The following ZNF385D variants were observed in gnomAD, a reference collection of about 807,000 sequenced individuals.
ZNF385D encodes the protein zinc finger protein 659.
A neutral mutation model predicts 35.8 loss-of-function variants in ZNF385D; 15 were observed. The observed-to-expected ratio is 0.42, with a 90% CI of 0.28 to 0.64. The LOEUF (loss-of-function observed/expected upper bound fraction) is 0.64. Ranked by LOEUF, ZNF385D falls within the 30% of genes least tolerant of loss-of-function variation. The pLI is 0.23. For synonymous variants in ZNF385D, 212 were observed against 186.8 expected, an observed-to-expected ratio of 1.13 and a Z score of -1.10; for missense variants, 474 against 494.6, an observed-to-expected ratio of 0.96 and a Z score of 0.39.
At chr3:22,312,180 T>C (rs1703596149) in intron 2 of ZNF385D, among the ~76,000 whole-genome samples, 1 of 152,152 alleles carries the variant, frequency 6.6e-6, no homozygotes, top group African/African-American at 2.4e-5. Flanking sequence ...TGATACTCGT[T>C]TGGCTTGTGC....
At chr3:22,034,039 C>A (rs1698168604) in intron 3 of ZNF385D, among the ~76,000 whole-genome samples, 1 of 152,110 alleles carries the variant, frequency 6.6e-6, no homozygotes, top group Non-Finnish European at 1.5e-5. Flanking sequence ...CCTGTAAGTC[C>A]TGAGCAAACC....
In ZNF385D at chr3:21,437,194, G is replaced by T; in HGVS notation, c.449C>A (p.Ala150Glu). The T allele has an allele frequency of 6.2e-7, 1 of 1,613,164 alleles. No individual in the cohort carries two copies. Among genetic ancestry groups the T allele is most frequent in the Non-Finnish European group, 8.5e-7 (1 of 1,179,624 alleles). The part of the protein sequence containing the change: ...NTSSDKTDGT[A>E]GTPAISTTTT... ...CGTCGTTGATATTGCTGGTGTCCCT[G>T]CAGTACCGTCTGTATTCAAAATAAC... Residue 150 changes from alanine to glutamate, a missense_variant, in exon 5 of 8, where the codon GCA (alanine) becomes GAA (glutamate). By Grantham distance (107) the Ala-to-Glu change is moderately radical. Coordinates refer to ENST00000281523, the MANE Select transcript of ZNF385D (RefSeq NM_024697.3).
chr3:21,806,248 A>C (rs1341070405), intron 3 of ZNF385D, among the ~76,000 whole-genome samples: 2 of 148,934 alleles, frequency 1.3e-5, no homozygotes, highest in African/African-American at 2.5e-5. Flanking sequence ...AGGTTATACC[A>C]ATCTAAACTC....
chr3:21,616,365 A>G (rs1342228254), intron 2 of ZNF385D, among the ~76,000 whole-genome samples: 1 of 152,114 alleles, frequency 6.6e-6, no homozygotes, highest in African/African-American at 2.4e-5. Context: ...ATATACAGAT[A>G]CCTGACTCAC....
intron 3 of ZNF385D, among the ~76,000 whole-genome samples, chr3:21,941,297 A>G (rs967461267): frequency 6.6e-6 from 1 of 150,942 alleles, no homozygotes; most frequent in Non-Finnish European, 1.5e-5. Flanking sequence ...GAGAATACCA[A>G]TACATTCTCT....
At chr3:22,342,987 T>C (rs1449299672) in intron 2 of ZNF385D, among the ~76,000 whole-genome samples, 2 of 152,212 alleles carry the variant, frequency 1.3e-5, no homozygotes, top group South Asian at 2.1e-4. Flanking sequence ...TGTGCTGTTA[T>C]GAACAAATAC....
intron 2 of ZNF385D, among the ~76,000 whole-genome samples, chr3:22,365,143 A>C (rs1338898619): frequency 1.3e-5 from 2 of 152,034 alleles, no homozygotes; most frequent in Non-Finnish European, 2.9e-5. Flanking sequence ...TCAGTTTTGC[A>C]AGATGAAAAG....
At chr3:22,308,109 C>A (rs543926532) in intron 2 of ZNF385D, among the ~76,000 whole-genome samples, 1 of 152,156 alleles carries the variant, frequency 6.6e-6, no homozygotes, top group South Asian at 2.1e-4. Flanking sequence ...TTAAAGGACT[C>A]TGGTGAACTG....
chr3:21,498,975 A>G (rs1252269981), intron 4 of ZNF385D, among the ~76,000 whole-genome samples: 1 of 151,734 alleles, frequency 6.6e-6, no homozygotes, highest in African/African-American at 2.4e-5. Context: ...AAAAAAGTCA[A>G]AAAATAACAG....
At chr3:21,874,610 T>C (rs1259716188) in intron 3 of ZNF385D, among the ~76,000 whole-genome samples, 1 of 152,092 alleles carries the variant, frequency 6.6e-6, no homozygotes, top group African/African-American at 2.4e-5. Flanking sequence ...ACTGTAGCTT[T>C]GTAATATGTT....
chr3:22,123,958 C>CTA (rs1369577983), intron 3 of ZNF385D, among the ~76,000 whole-genome samples: 67 of 79,764 alleles, frequency 8.4e-4, no homozygotes, highest in Admixed American at 1.1e-3. Flanking sequence ...CTCTCTCTCT[C>CTA]TCTCTATATA....
At chr3:22,318,802 C>G (rs1443408279) in intron 2 of ZNF385D, among the ~76,000 whole-genome samples, 3 of 151,884 alleles carry the variant, frequency 2.0e-5, no homozygotes, top group African/African-American at 7.3e-5. Context: ...CAAAAATGTA[C>G]TGTGAAAAAA....
At chr3:22,061,725 T>C (rs1267979077) in intron 3 of ZNF385D, among the ~76,000 whole-genome samples, 1 of 152,210 alleles carries the variant, frequency 6.6e-6, no homozygotes, top group Non-Finnish European at 1.5e-5. Context: ...CAAAAATATG[T>C]CTTTCCTTCC....
intron 2 of ZNF385D, among the ~76,000 whole-genome samples, chr3:22,259,143 A>G (rs1040024904): frequency 6.6e-6 from 1 of 151,904 alleles, no homozygotes; most frequent in Non-Finnish European, 1.5e-5. Context: ...AACATCATGT[A>G]TCTCTCATTT....
At chr3:22,296,104 C>G (rs981972724) in intron 2 of ZNF385D, among the ~76,000 whole-genome samples, 1 of 152,126 alleles carries the variant, frequency 6.6e-6, no homozygotes, top group Non-Finnish European at 1.5e-5. Flanking sequence ...ATGAATCAAT[C>G]CAATGCCATA....
At chr3:21,855,746 G>A (rs1289526807) in intron 3 of ZNF385D, among the ~76,000 whole-genome samples, 5 of 151,996 alleles carry the variant, frequency 3.3e-5, no homozygotes, top group South Asian at 2.1e-4. Flanking sequence ...TAAATTTAAA[G>A]TAATAACTTA....
chr3:21,703,488 C>A (rs937796292), intron 1 of ZNF385D, among the ~76,000 whole-genome samples: 1 of 152,036 alleles, frequency 6.6e-6, no homozygotes, highest in African/African-American at 2.4e-5. Flanking sequence ...TTGTGCAATC[C>A]CTTGGTTGCC....
At chr3:22,084,255 G>C (rs531996267) in intron 3 of ZNF385D, among the ~76,000 whole-genome samples, 1 of 152,116 alleles carries the variant, frequency 6.6e-6, no homozygotes, top group Non-Finnish European at 1.5e-5. Context: ...ATGTAAATGG[G>C]CTATATGCTC....
intron 2 of ZNF385D, among the ~76,000 whole-genome samples, chr3:21,627,257 G>GTGTGTT (rs2065161376): frequency 6.9e-6 from 1 of 144,796 alleles, no homozygotes; most frequent in African/African-American, 2.6e-5. Context: ...GTGTGTGTGT[G>GTGTGTT]TGTGTGTGTG....
Sources: gnomAD v4.1 joint callset for allele counts (sites outside exome capture counted in the v4.1 genomes callset) on GRCh38, gnomAD v4.1.1 for gene constraint, MANE v1.5 for transcripts, NCBI Gene and HGNC (gene_info 2026-07-23, HGNC 2026-07-21) for gene names.